The following NALF1 variants were observed in gnomAD, a reference collection of about 807,000 sequenced individuals.
NALF1 encodes the protein family with sequence similarity 155 member A.
NALF1 carries 3 observed loss-of-function variants against 48.4 expected under a neutral mutation model. The ratio of observed to expected loss-of-function variants is 0.06; its 90% CI spans 0.03 to 0.16. The LOEUF is 0.16. NALF1 is among the 10% of genes least tolerant of loss of function. The pLI, the probability that NALF1 is intolerant of heterozygous loss-of-function variation, is 1.00. For synonymous variants in NALF1, 262 were observed against 245.7 expected (o/e 1.07, Z -0.62); for missense variants, 526 against 571.5 (o/e 0.92, Z 0.81).
chr13:107,249,202 G>T (rs1880644615), intron 1 of NALF1, among the ~76,000 whole-genome samples: 2 of 151,916 alleles, frequency 1.3e-5, no homozygotes, highest in Admixed American at 6.6e-5. Context: ...TATTCTTTGA[G>T]ATTTTAATAA....
chr13:107,640,429 T>A (rs1220489463), intron 1 of NALF1, among the ~76,000 whole-genome samples: 1 of 152,186 alleles, frequency 6.6e-6, no homozygotes, highest in African/African-American at 2.4e-5. Flanking sequence ...GGTTTTATTT[T>A]ATTTTAACAT....
chr13:107,527,955 T>A (rs1876499507), intron 1 of NALF1, among the ~76,000 whole-genome samples: 1 of 152,140 alleles, frequency 6.6e-6, no homozygotes, highest in African/African-American at 2.4e-5. Flanking sequence ...AATTTTCTTA[T>A]TTAAAAAGAA....
At chr13:107,795,906 C>T (rs924013078) in intron 1 of NALF1, among the ~76,000 whole-genome samples, 1 of 152,124 alleles carries the variant, frequency 6.6e-6, no homozygotes, top group South Asian at 2.1e-4. Flanking sequence ...GTTAAACATA[C>T]ATTTTTTCTT....
At position 107,723,313 on chromosome 13, in the gene NALF1, C is replaced by A. The variant is rs146766670; in HGVS notation, c.915+142369G>T. On this transcript the variant is annotated intron_variant, in intron 1 of 2. Coordinates refer to ENST00000375915, the MANE Select transcript of NALF1 (RefSeq NM_001080396.3). ...CTGAGTTCTATTTTTAGAAGTTTGA[C>A]CTGGCTTGCATTATACACTTAAGAC... Among the ~76,000 whole-genome samples, 610 of 152,218 alleles carry A rather than the reference C, an allele frequency of 4.0e-3. 4 individuals are homozygous for A. Among genetic ancestry groups the A allele is most frequent in the African/African-American group, 0.014 (583 of 41,534 alleles).
rs115451249 is a variant in NALF1 at position 107,836,160 on chromosome 13, T to C, written c.915+29522A>G. 3.3e-3 allele frequency among the ~76,000 whole-genome samples: 495 copies of C among 152,116 alleles called. 1 individual carries two copies. Among genetic ancestry groups the C allele is most frequent in the African/African-American group, 0.011 (470 of 41,506 alleles). ...TGCACATCACCATGCTCGACTAATT[T>C]TTGTAATTTTTGTAGAGATGGGGTT... is the stretch of plus-strand genomic sequence containing the variant. On this transcript the variant is annotated intron_variant, in intron 1 of 2. Coordinates refer to ENST00000375915, the MANE Select transcript of NALF1 (RefSeq NM_001080396.3).
In NALF1 at chr13:107,418,938, A is replaced by T. The variant is rs570970282; in HGVS notation, c.916-208183T>A. 3.3e-5 allele frequency among the ~76,000 whole-genome samples: 5 copies of T among 152,334 alleles called. No individual in the cohort carries two copies. In the South Asian group the frequency reaches 1.0e-3, roughly 32 times the overall value. ...CTAACATTGAATTTTATCTTTTATT[A>T]CCTGAGACGGAGAAGAAAAGTAGAT... is the stretch of plus-strand genomic sequence containing the variant. On this transcript the variant is annotated intron_variant, in intron 1 of 2. Coordinates refer to ENST00000375915, the MANE Select transcript of NALF1 (RefSeq NM_001080396.3).
At chr13:107,261,594 G>T (rs946726196) in intron 1 of NALF1, among the ~76,000 whole-genome samples, 29 of 152,248 alleles carry the variant, frequency 1.9e-4, no homozygotes, top group African/African-American at 7.0e-4. Context: ...GGAAGAGTGG[G>T]CTTCTCTCTC....
chr13:107,283,498 G>A (rs559575770), intron 1 of NALF1, among the ~76,000 whole-genome samples: 8 of 151,956 alleles, frequency 5.3e-5, no homozygotes, highest in African/African-American at 1.7e-4. Flanking sequence ...TATGAGTGGC[G>A]CTTCAGGTTG....
chr13:107,439,274 T>C (rs78564995), intron 1 of NALF1, among the ~76,000 whole-genome samples: 5,863 of 152,220 alleles, frequency 0.039, 386 homozygotes, highest in African/African-American at 0.13. Context: ...CTGGCTGATG[T>C]TGGGGTTATA....
intron 1 of NALF1, among the ~76,000 whole-genome samples, chr13:107,599,926 A>T (rs571590416): frequency 6.6e-6 from 1 of 152,286 alleles, no homozygotes; most frequent in African/African-American, 2.4e-5. Context: ...TCATATTTAA[A>T]TAATTTTGAT....
At chr13:107,560,969 A>T (rs1877629231) in intron 1 of NALF1, among the ~76,000 whole-genome samples, 1 of 152,184 alleles carries the variant, frequency 6.6e-6, no homozygotes, top group Non-Finnish European at 1.5e-5. Flanking sequence ...TCCAAAAAAC[A>T]ATTTTTAAAA....
intron 1 of NALF1, among the ~76,000 whole-genome samples, chr13:107,478,080 A>G (rs1885200677): frequency 6.6e-6 from 1 of 152,104 alleles, no homozygotes; most frequent in African/African-American, 2.4e-5. Flanking sequence ...TTGTCTTAGC[A>G]GAGTTAAGCT....
chr13:107,275,208 T>G (rs1212209462), intron 1 of NALF1, among the ~76,000 whole-genome samples: 1 of 151,786 alleles, frequency 6.6e-6, no homozygotes, highest in Non-Finnish European at 1.5e-5. Flanking sequence ...TTTTTTAAAG[T>G]AAATTATTTT....
intron 1 of NALF1, among the ~76,000 whole-genome samples, chr13:107,694,074 G>A (rs924959848): frequency 6.6e-6 from 1 of 152,152 alleles, no homozygotes; most frequent in Admixed American, 6.5e-5. Context: ...AATACTTTTG[G>A]CTGCAAGTAG....
intron 1 of NALF1, among the ~76,000 whole-genome samples, chr13:107,538,371 T>C (rs2476777): frequency 0.076 from 11,615 of 152,184 alleles, 1,522 homozygotes; most frequent in African/African-American, 0.27. Flanking sequence ...ACAAAGTGTA[T>C]TTTATAAAAC....
intron 1 of NALF1, among the ~76,000 whole-genome samples, chr13:107,827,247 A>G (rs935333451): frequency 1.3e-5 from 2 of 152,064 alleles, no homozygotes; most frequent in Non-Finnish European, 2.9e-5. Context: ...ACATTAAGGC[A>G]TTTTCTTAAG....
chr13:107,807,142 T>C (rs1878817705), intron 1 of NALF1, among the ~76,000 whole-genome samples: 1 of 152,142 alleles, frequency 6.6e-6, no homozygotes, highest in Non-Finnish European at 1.5e-5. Flanking sequence ...AATTCAACTA[T>C]AAAATATTCA....
At chr13:107,544,491 T>TTTC (rs1877082707) in intron 1 of NALF1, among the ~76,000 whole-genome samples, 1 of 152,120 alleles carries the variant, frequency 6.6e-6, no homozygotes, top group South Asian at 2.1e-4. Context: ...AGAGACAAAA[T>TTTC]AGAAGCATGA....
At chr13:107,764,406 G>A (rs1745002488) in intron 1 of NALF1, among the ~76,000 whole-genome samples, 1 of 152,042 alleles carries the variant, frequency 6.6e-6, no homozygotes, top group African/African-American at 2.4e-5. Flanking sequence ...GCATATATGT[G>A]TGTGTATATA....
Sources: allele counts gnomAD v4.1 joint callset (sites outside exome capture counted in the v4.1 genomes callset), GRCh38; gene constraint gnomAD v4.1.1; transcripts MANE v1.5; gene names NCBI Gene and HGNC (gene_info 2026-07-23, HGNC 2026-07-21).